The following GPC5 variants were observed in gnomAD, a reference collection of about 807,000 sequenced individuals.
GPC5 encodes glypican 5.
GPC5 carries 47 observed loss-of-function variants against 53.9 expected under a neutral mutation model. The ratio of observed to expected loss-of-function variants is 0.87; its 90% CI spans 0.69 to 1.11. The LOEUF is 1.11. Among genes scored for constraint, GPC5 ranks in the 50% most tolerant of loss-of-function variants. The probability of loss-of-function intolerance (pLI) is 0.00; values close to 1 mark genes in which losing one functional copy is unlikely to be tolerated. For synonymous variants in GPC5, 286 were observed against 263.3 expected (o/e 1.09, Z -0.84); for missense variants, 748 against 713.1 (o/e 1.05, Z -0.56).
chr13:92,105,478 T>A (rs1380269192), intron 6 of GPC5, among the ~76,000 whole-genome samples: 1 of 152,106 alleles, frequency 6.6e-6, no homozygotes, highest in Non-Finnish European at 1.5e-5. Context: ...TTAGTTCAAC[T>A]TTTGTTTAAA....
At chr13:92,124,232 T>C (rs2041675012) in intron 6 of GPC5, among the ~76,000 whole-genome samples, 1 of 132,866 alleles carries the variant, frequency 7.5e-6, no homozygotes, top group Non-Finnish European at 1.5e-5. Flanking sequence ...CCTCCCATCT[T>C]AACTCCGGAC....
Position 92,641,395 on chromosome 13 carries a change from C to T in GPC5, c.1562-224887C>T, listed in dbSNP as rs193112438. ...TTACTAGCCTGAATTTTTCAAAACT[C>T]CCAATGCCATGATAAAGAAAGGCAG... On this transcript the variant is annotated intron_variant, in intron 7 of 7. Transcript: ENST00000377067. 4.6e-5 allele frequency among the ~76,000 whole-genome samples: 7 copies of T among 152,076 alleles called. No homozygotes were observed. In the East Asian group the frequency reaches 1.2e-3, roughly 25 times the overall value.
chr13:91,654,521 A>G (rs1450062962), intron 2 of GPC5, among the ~76,000 whole-genome samples: 1 of 152,188 alleles, frequency 6.6e-6, no homozygotes, highest in Non-Finnish European at 1.5e-5. Flanking sequence ...TTTATATAAT[A>G]TGAAATATTA....
intron 6 of GPC5, among the ~76,000 whole-genome samples, chr13:91,958,174 A>G (rs1208501781): frequency 6.6e-6 from 1 of 151,942 alleles, no homozygotes; most frequent in Non-Finnish European, 1.5e-5. Flanking sequence ...GACTGAAAGT[A>G]AAGTGGGGGA....
chr13:91,786,019 C>T (rs1016086545), intron 5 of GPC5, among the ~76,000 whole-genome samples: 3 of 151,978 alleles, frequency 2.0e-5, no homozygotes, highest in African/African-American at 7.2e-5. Context: ...TTTTTTGAGA[C>T]CAAGTCTCGC....
chr13:92,613,247 A>G (rs1884499326), intron 7 of GPC5, among the ~76,000 whole-genome samples: 1 of 129,866 alleles, frequency 7.7e-6, no homozygotes, highest in Admixed American at 9.8e-5. Flanking sequence ...TTATATATAT[A>G]ATTTATATAT....
intron 7 of GPC5, among the ~76,000 whole-genome samples, chr13:92,783,767 T>C (rs933731059): frequency 6.6e-6 from 1 of 152,162 alleles, no homozygotes; most frequent in Non-Finnish European, 1.5e-5. Flanking sequence ...GGTGATCCCA[T>C]ATGACATCTT....
Position 91,674,390 on chromosome 13 carries a change from T to TAC in GPC5, c.326-18787_326-18786dup, listed in dbSNP as rs200655300. ...ACCACTAACTCATTATATATATATA[T>TAC]ACACACACACATATATATATATACA... On this transcript the variant is annotated intron_variant, in intron 2 of 7. Coordinates refer to ENST00000377067, the MANE Select transcript of GPC5 (RefSeq NM_004466.6). Among the ~76,000 whole-genome samples the TAC allele has an allele frequency of 1.6e-3, 218 of 139,898 alleles. 10 individuals carry two copies. The East Asian group carries it at 0.043, about 27-fold the overall frequency. 91.8% of individuals were successfully genotyped at this position (139,898 alleles called of 152,430 possible).
intron 7 of GPC5, among the ~76,000 whole-genome samples, chr13:92,844,861 G>C (rs1038631198): frequency 1.3e-4 from 20 of 152,150 alleles, no homozygotes; most frequent in African/African-American, 4.6e-4. Context: ...GTATTTCCAG[G>C]AGAGTTGAGG....
chr13:92,642,283 T>G (rs1332368847), intron 7 of GPC5, among the ~76,000 whole-genome samples: 1 of 152,172 alleles, frequency 6.6e-6, no homozygotes, highest in African/African-American at 2.4e-5. Context: ...GGATAGCAGA[T>G]GTCTCCCAGA....
intron 7 of GPC5, among the ~76,000 whole-genome samples, chr13:92,858,246 T>G (rs868097723): frequency 6.6e-6 from 1 of 152,174 alleles, no homozygotes; most frequent in Admixed American, 6.5e-5. Flanking sequence ...GTTCTCATGA[T>G]AGTGAATAAG....
At chr13:91,405,999 T>C (rs1440855692) in intron 1 of GPC5, among the ~76,000 whole-genome samples, 1 of 152,168 alleles carries the variant, frequency 6.6e-6, no homozygotes, top group African/African-American at 2.4e-5. Context: ...CTTGAACTCC[T>C]GGGCTCAAGC....
At chr13:91,994,145 A>T (rs559649869) in intron 6 of GPC5, among the ~76,000 whole-genome samples, 6 of 152,340 alleles carry the variant, frequency 3.9e-5, no homozygotes, top group African/African-American at 1.4e-4. Context: ...TCAGAGGAAT[A>T]CAAGTAAGAA....
intron 7 of GPC5, among the ~76,000 whole-genome samples, chr13:92,187,529 T>C (rs191577305): frequency 1.5e-3 from 221 of 152,322 alleles, no homozygotes; most frequent in Non-Finnish European, 2.9e-3. Context: ...TGGATTCCAA[T>C]GTTCAAGGTA....
At chr13:91,689,262 T>A (rs530761756) in intron 2 of GPC5, among the ~76,000 whole-genome samples, 204 of 139,214 alleles carry the variant, frequency 1.5e-3, no homozygotes, top group African/African-American at 5.1e-3. Flanking sequence ...AAATTTTTTT[T>A]AAAAAAGGTA....
At chr13:92,739,570 C>T (rs1193985614) in intron 7 of GPC5, among the ~76,000 whole-genome samples, 5 of 151,968 alleles carry the variant, frequency 3.3e-5, no homozygotes, top group Non-Finnish European at 7.4e-5. Flanking sequence ...AAACTGAACA[C>T]AATCTTATCA....
intron 7 of GPC5, among the ~76,000 whole-genome samples, chr13:92,329,013 A>G (rs1349019529): frequency 6.6e-6 from 1 of 152,114 alleles, no homozygotes; most frequent in African/African-American, 2.4e-5. Flanking sequence ...CTACTGGCTT[A>G]TGCCACAAAC....
At chr13:91,502,207 C>G (rs1884676727) in intron 2 of GPC5, among the ~76,000 whole-genome samples, 1 of 152,042 alleles carries the variant, frequency 6.6e-6, no homozygotes, top group Admixed American at 6.5e-5. Flanking sequence ...CCTGTTCACT[C>G]TGATGGTAGT....
chr13:92,592,954 C>A (rs191829997), intron 7 of GPC5, among the ~76,000 whole-genome samples: 10 of 151,164 alleles, frequency 6.6e-5, no homozygotes, highest in Admixed American at 6.6e-5. Context: ...GAGATACTTT[C>A]ACTACAGCAG....
Sources: allele counts gnomAD v4.1 joint callset (sites outside exome capture counted in the v4.1 genomes callset), GRCh38; gene constraint gnomAD v4.1.1; transcripts MANE v1.5; gene names NCBI Gene and HGNC (gene_info 2026-07-23, HGNC 2026-07-21).